Variants in KCNQ5 observed in about 807,000 individuals in gnomAD.
KCNQ5 encodes potassium voltage-gated channel subfamily Q member 5.
A neutral mutation model predicts 98.2 loss-of-function variants in KCNQ5; 30 were observed. That is an observed-to-expected ratio of 0.31 (90% CI 0.23 to 0.41). The LOEUF (loss-of-function observed/expected upper bound fraction) is 0.41, where lower values mean the gene tolerates loss of function less well. Ranked by LOEUF, KCNQ5 falls within the 10% of genes least tolerant of loss-of-function variation. The pLI, the probability that KCNQ5 is intolerant of heterozygous loss-of-function variation, is 1.00. For missense variants in KCNQ5, 835 were observed against 1,182.5 expected, an observed-to-expected ratio of 0.71 and a Z score of 4.31; for synonymous variants, 458 against 449.4, an observed-to-expected ratio of 1.02 and a Z score of -0.24.
chr6:73,092,318 CA>C (rs1310458222), intron 5 of KCNQ5, among the ~76,000 whole-genome samples: 2 of 152,110 alleles, frequency 1.3e-5, no homozygotes, highest in Non-Finnish European at 2.9e-5. Flanking sequence ...TTCATATCAT[CA>C]GCAAACAGCA....
chr6:72,950,373 G>C (rs1052675550), intron 1 of KCNQ5, among the ~76,000 whole-genome samples: 2 of 152,216 alleles, frequency 1.3e-5, no homozygotes, highest in Non-Finnish European at 2.9e-5. Context: ...GGCACAGTCT[G>C]AAGTCACTGA....
In KCNQ5 at chr6:73,197,300, C is replaced by A. The variant is rs1765821659; in HGVS notation, c.*1886C>A. 6.6e-6 allele frequency: 1 copy of A among 152,158 alleles called. No individual in the cohort carries two copies. The highest frequency in any genetic ancestry group is 2.1e-4 in the South Asian group (1 of 4,830). The allele number at this position is 152,158 out of a possible 1,614,324, so 9.4% of individuals were successfully genotyped here. On this transcript the variant is annotated 3_prime_UTR_variant, in exon 14 of 14. Coordinates refer to ENST00000370398, the MANE Select transcript of KCNQ5 (RefSeq NM_019842.4). ...CTTTACCTAAAATGTGCTTCTCAACCTTTTAGAACCTTGTCCCTTTTGATA... is the reference window on the plus strand; with the variant it reads ...CTTTACCTAAAATGTGCTTCTCAACATTTTAGAACCTTGTCCCTTTTGATA...
chr6:73,194,376 T>C, intron 13 of KCNQ5, 76 bp from the exon 14 acceptor site: 1 of 1,376,424 alleles, frequency 7.3e-7, no homozygotes, highest in South Asian at 1.4e-5. Context: ...CTTGACTTCA[T>C]TTTTCAAAAT....
chr6:72,922,815 T>TCTTTTTC (rs1554186017), intron 1 of KCNQ5, among the ~76,000 whole-genome samples: 4 of 132,416 alleles, frequency 3.0e-5, no homozygotes, highest in African/African-American at 8.6e-5. Context: ...TTTTTCTTTT[T>TCTTTTTC]TTTTTTTTTT....
intron 1 of KCNQ5, among the ~76,000 whole-genome samples, chr6:72,848,323 T>C (rs55878925): frequency 0.15 from 23,537 of 151,930 alleles, 2,487 homozygotes; most frequent in African/African-American, 0.3. Flanking sequence ...CCTGCATGCA[T>C]TAGCTGTTTG....
chr6:72,664,724 G>A (rs1162429118), intron 1 of KCNQ5, among the ~76,000 whole-genome samples: 1 of 151,896 alleles, frequency 6.6e-6, no homozygotes, highest in Non-Finnish European at 1.5e-5. Context: ...AGAGAAGCAG[G>A]GAAAATAAAC....
At chr6:72,849,307 T>C (rs1777149740) in intron 1 of KCNQ5, among the ~76,000 whole-genome samples, 1 of 152,170 alleles carries the variant, frequency 6.6e-6, no homozygotes, top group South Asian at 2.1e-4. Flanking sequence ...AGATACCAAG[T>C]AGTGGGATTG....
In KCNQ5 at chr6:72,856,340, T is replaced by G. The variant is rs530469796; in HGVS notation, c.399-147568T>G. Among the ~76,000 whole-genome samples the G allele has an allele frequency of 3.1e-3, 469 of 150,068 alleles. 7 individuals are homozygous for G. The highest frequency in any genetic ancestry group is 0.024 in the South Asian group (109 of 4,464). On this transcript the variant is annotated intron_variant, in intron 1 of 13. Transcript: ENST00000370398. ...TGAATTTTAGTTTCTTAGATAAGAG[T>G]TTTTTTTTCATAATTGGAAAATGTA... is the stretch of plus-strand genomic sequence containing the variant.
rs79933824 is a variant in KCNQ5, at chr6:72,929,750, G to T, written c.399-74158G>T. ...ATGCAAAATCCAGAACATGAAAAAT[G>T]CTCATTTTACCCAGGATAATTTAAA... is the stretch of plus-strand genomic sequence containing the variant. On this transcript the variant is annotated intron_variant, in intron 1 of 13. Transcript: ENST00000370398. Among the ~76,000 whole-genome samples, 707 of 152,092 alleles carry T rather than the reference G, an allele frequency of 4.6e-3. 4 individuals are homozygous for T. The highest frequency in any genetic ancestry group is 0.016 in the African/African-American group (684 of 41,514).
intron 9 of KCNQ5, chr6:73,125,304 T>A: frequency 2.8e-6 from 1 of 358,918 alleles, no homozygotes; most frequent in Non-Finnish European, 5.7e-6. Context: ...AAAAATTTCT[T>A]GATCTGTGTT....
At chr6:72,646,252 T>C (rs1034093719) in intron 1 of KCNQ5, among the ~76,000 whole-genome samples, 1 of 150,658 alleles carries the variant, frequency 6.6e-6, no homozygotes, top group African/African-American at 2.4e-5. Flanking sequence ...CATATACACA[T>C]ATATATATAC....
chr6:73,076,467 T>G (rs1446597764), intron 3 of KCNQ5, among the ~76,000 whole-genome samples: 1 of 152,326 alleles, frequency 6.6e-6, no homozygotes, highest in East Asian at 1.9e-4. Flanking sequence ...ATCACTCAGA[T>G]GTTTACTTAT....
At chr6:72,898,408 G>T (rs1430140924) in intron 1 of KCNQ5, among the ~76,000 whole-genome samples, 1 of 152,118 alleles carries the variant, frequency 6.6e-6, no homozygotes, top group African/African-American at 2.4e-5. Flanking sequence ...TCCCACTTAG[G>T]AGTGAGAACA....
chr6:73,097,142 C>CATATATATATATATATATATAT (rs70994161), intron 5 of KCNQ5, among the ~76,000 whole-genome samples: 7,655 of 121,174 alleles, frequency 0.063, 436 homozygotes, highest in South Asian at 0.095. Flanking sequence ...CAATAGATCT[C>CATATATATATATATATATATAT]ATATATATAT....
chr6:72,746,523 A>G (rs1279465770), intron 1 of KCNQ5, among the ~76,000 whole-genome samples: 2 of 152,168 alleles, frequency 1.3e-5, no homozygotes, highest in East Asian at 3.8e-4. Flanking sequence ...TAGTCATTGA[A>G]CTAAACCTGA....
At chr6:72,777,835 C>G (rs1378550059) in intron 1 of KCNQ5, among the ~76,000 whole-genome samples, 2 of 152,162 alleles carry the variant, frequency 1.3e-5, no homozygotes, top group African/African-American at 4.8e-5. Flanking sequence ...GACACACCCT[C>G]CATTAGGCCT....
chr6:72,988,695 T>G (rs1318043507), intron 1 of KCNQ5, among the ~76,000 whole-genome samples: 1 of 137,252 alleles, frequency 7.3e-6, no homozygotes, highest in Non-Finnish European at 1.6e-5. Flanking sequence ...AGGGTACATG[T>G]GCACATTGTG....
intron 1 of KCNQ5, among the ~76,000 whole-genome samples, chr6:72,915,850 T>C (rs1481848960): frequency 6.6e-6 from 1 of 152,238 alleles, no homozygotes; most frequent in African/African-American, 2.4e-5. Flanking sequence ...TGTACTTGAA[T>C]ATTAACACAT....
At chr6:73,030,777 G>C (rs1771110144) in intron 2 of KCNQ5, among the ~76,000 whole-genome samples, 1 of 152,116 alleles carries the variant, frequency 6.6e-6, no homozygotes, top group African/African-American at 2.4e-5. Context: ...ATTTCTACAG[G>C]ACTCCAACAC....
Sources: gnomAD v4.1 joint callset for allele counts (sites outside exome capture counted in the v4.1 genomes callset) on GRCh38, gnomAD v4.1.1 for gene constraint, MANE v1.5 for transcripts, NCBI Gene and HGNC (gene_info 2026-07-23, HGNC 2026-07-21) for gene names.